SLC5A1: variants seen among roughly 807,000 people sequenced by gnomAD.
SLC5A1 encodes sodium/glucose cotransporter 1.
SLC5A1 carries 42 observed loss-of-function variants against 73.5 expected under a neutral mutation model. That is an observed-to-expected ratio of 0.57 (90% CI 0.45 to 0.74). The LOEUF (loss-of-function observed/expected upper bound fraction) is 0.74. Ranked by LOEUF, SLC5A1 falls within the 30% of genes least tolerant of loss-of-function variation. The pLI is 0.00. For synonymous variants in SLC5A1, 300 were observed against 317.4 expected, an observed-to-expected ratio of 0.95 and a Z score of 0.58; for missense variants, 634 against 855.4, an observed-to-expected ratio of 0.74 and a Z score of 3.23.
chr22:32,091,942 A>AT (rs1399877563), intron 11 of SLC5A1, among the ~76,000 whole-genome samples, 180 bp downstream of exon 11: 1 of 152,000 alleles, frequency 6.6e-6, no homozygotes, highest in Non-Finnish European at 1.5e-5. Context: ...TTATTTTATT[A>AT]TTTTTAAATT....
At chr22:32,101,922 C>A in intron 12 of SLC5A1, 100 bp from the exon 13 acceptor site, 1 of 895,636 alleles carries the variant, frequency 1.1e-6, no homozygotes, top group Non-Finnish European at 1.8e-6. Context: ...CTTCTCCTAC[C>A]TCTGTTCCTT....
intron 1 of SLC5A1, among the ~76,000 whole-genome samples, chr22:32,049,688 T>G (rs961633992): frequency 3.3e-5 from 5 of 152,022 alleles, no homozygotes; most frequent in African/African-American, 1.2e-4. Flanking sequence ...CTGGAAGTGA[T>G]ACTGGAAGCT....
intron 10 of SLC5A1, 79 bp from the exon 11 acceptor site, chr22:32,091,533 C>A: frequency 6.5e-7 from 1 of 1,532,420 alleles, no homozygotes; most frequent in Non-Finnish European, 9.0e-7. Flanking sequence ...GCAAACAAAT[C>A]TTGAGTCCTC....
At chr22:32,085,084 C>T in intron 9 of SLC5A1, 49 bp downstream of exon 9, 1 of 1,608,836 alleles carries the variant, frequency 6.2e-7, no homozygotes, top group Non-Finnish European at 8.5e-7. Context: ...TTTCTGTCTC[C>T]AAGTCACTTC....
rs1038942076 is a variant in SLC5A1, at chr22:32,104,271, T to C, written c.1666-515T>C. 2.6e-5 allele frequency among the ~76,000 whole-genome samples: 4 copies of C among 152,244 alleles called. No individual in the cohort carries two copies. In the East Asian group the frequency reaches 7.7e-4, roughly 29 times the overall value. ...CCAAACACATTTCTAGTTGATGCCC[T>C]AGACCGAGTTCATGCTCTAGATCAA... On this transcript the variant is annotated intron_variant, in intron 13 of 14. Coordinates refer to ENST00000266088, the MANE Select transcript of SLC5A1 (RefSeq NM_000343.4).
intron 5 of SLC5A1, among the ~76,000 whole-genome samples, chr22:32,078,020 A>G (rs2093993738): frequency 6.6e-6 from 1 of 152,244 alleles, no homozygotes; most frequent in African/African-American, 2.4e-5. Context: ...ATTCTTTCAC[A>G]AAGTTGCAAT....
chr22:32,070,365 AC>A (rs2149488772), intron 5 of SLC5A1, among the ~76,000 whole-genome samples: 2 of 148,312 alleles, frequency 1.3e-5, no homozygotes, highest in South Asian at 2.2e-4. Context: ...TTGCTGTATT[AC>A]CCAGACTGCC....
intron 10 of SLC5A1, among the ~76,000 whole-genome samples, chr22:32,090,391 A>G (rs2149493808): frequency 6.6e-6 from 1 of 152,322 alleles, no homozygotes; most frequent in African/African-American, 2.4e-5. Flanking sequence ...ATATAAATAG[A>G]ATCATATAAT....
At chr22:32,066,782 G>A (rs966083587) in intron 2 of SLC5A1, among the ~76,000 whole-genome samples, 153 bp from the exon 3 acceptor site, 3 of 152,174 alleles carry the variant, frequency 2.0e-5, no homozygotes, top group Non-Finnish European at 4.4e-5. Flanking sequence ...TTCTGAACCA[G>A]CTGTCCCTGA....
intron 14 of SLC5A1, among the ~76,000 whole-genome samples, chr22:32,107,899 T>A (rs1446811892): frequency 6.6e-6 from 1 of 152,074 alleles, no homozygotes; most frequent in East Asian, 1.9e-4. Flanking sequence ...TGCATCACTG[T>A]CCCAGTATCA....
Position 32,068,488 on chromosome 22 carries a change from C to T in SLC5A1, c.373-8C>T, listed in dbSNP as rs749639473. 3.8e-6 allele frequency: 6 copies of T among 1,593,386 alleles called. No individual in the cohort carries two copies. The East Asian group carries it at 1.3e-4, about 36-fold the overall frequency. ...GGCTGGCAGTGACCTCCCTCGCACC[C>T]CATGCAGGTGGTGACAATGCCAGAG... On this transcript the variant is annotated splice_region_variant and splice_polypyrimidine_tract_variant and intron_variant, in intron 4 of 14. Coordinates refer to ENST00000266088, the MANE Select transcript of SLC5A1 (RefSeq NM_000343.4).
At chr22:32,084,693 C>G in intron 8 of SLC5A1, 34 bp downstream of exon 8, 2 of 1,583,404 alleles carry the variant, frequency 1.3e-6, no homozygotes, top group Non-Finnish European at 1.7e-6. Context: ...TGGACAGAGT[C>G]TTCTCCAGGG....
intron 2 of SLC5A1, among the ~76,000 whole-genome samples, chr22:32,051,174 A>G (rs575591372): frequency 6.6e-6 from 1 of 152,214 alleles, no homozygotes; most frequent in South Asian, 2.1e-4. Context: ...CCATGGGATC[A>G]GCTCCCTTAG....
intron 5 of SLC5A1, among the ~76,000 whole-genome samples, chr22:32,078,954 C>CAAA (rs6147589): frequency 0.014 from 1,555 of 108,712 alleles, 64 homozygotes; most frequent in Non-Finnish European, 0.018. Context: ...ACTCTGTCTC[C>CAAA]AAAAAAAAAA....
chr22:32,071,133 C>A (rs543006316), intron 5 of SLC5A1, among the ~76,000 whole-genome samples: 1 of 152,228 alleles, frequency 6.6e-6, no homozygotes, highest in East Asian at 1.9e-4. Flanking sequence ...TCTGAAAACA[C>A]AAAGTGTTCT....
chr22:32,050,064 C>A, intron 2 of SLC5A1, 50 bp downstream of exon 2: 1 of 1,455,318 alleles, frequency 6.9e-7, no homozygotes, highest in Non-Finnish European at 9.7e-7. Context: ...CTGATACTCC[C>A]TTTAGGAACT....
intron 5 of SLC5A1, among the ~76,000 whole-genome samples, chr22:32,076,521 T>C (rs1184096699): frequency 6.6e-6 from 1 of 152,238 alleles, no homozygotes; most frequent in Non-Finnish European, 1.5e-5. Context: ...ACAGCTACAG[T>C]AAATGTTTAC....
At chr22:32,099,753 A>C (rs771129757) in intron 12 of SLC5A1, among the ~76,000 whole-genome samples, 2 of 152,104 alleles carry the variant, frequency 1.3e-5, no homozygotes, top group African/African-American at 2.4e-5. Flanking sequence ...ACCTGACTGC[A>C]TGGCACTCCC....
intron 10 of SLC5A1, among the ~76,000 whole-genome samples, chr22:32,086,837 A>T (rs1019979566): frequency 2.0e-5 from 3 of 152,240 alleles, no homozygotes; most frequent in Admixed American, 2.0e-4. Flanking sequence ...CAAGATGTGG[A>T]ATCAATATAA....
Sources: allele counts gnomAD v4.1 joint callset (sites outside exome capture counted in the v4.1 genomes callset), GRCh38; gene constraint gnomAD v4.1.1; transcripts MANE v1.5; gene names NCBI Gene and HGNC (gene_info 2026-07-23, HGNC 2026-07-21).